KAZN: variants seen among roughly 807,000 people sequenced by gnomAD.
KAZN encodes the protein kazrin.
Under a neutral mutation model 87.4 loss-of-function variants are expected in KAZN, and 40 were observed. The ratio of observed to expected loss-of-function variants is 0.46; its 90% CI spans 0.36 to 0.60. The LOEUF (loss-of-function observed/expected upper bound fraction) is 0.60, where lower values mean the gene tolerates loss of function less well. KAZN is among the 20% of genes least tolerant of loss of function. The pLI is 0.00. For missense variants in KAZN, 898 were observed against 1,073.9 expected (o/e 0.84, Z 2.29); for synonymous variants, 466 against 458.3 (o/e 1.02, Z -0.22).
At chr1:14,985,652 C>T (rs1666732782) in intron 2 of KAZN, among the ~76,000 whole-genome samples, 1 of 152,152 alleles carries the variant, frequency 6.6e-6, no homozygotes. Context: ...CCTGTGGGTT[C>T]GTTGGATTGA....
At chr1:14,031,542 G>A (rs537867004) in intron 1 of KAZN, among the ~76,000 whole-genome samples, 1 of 152,294 alleles carries the variant, frequency 6.6e-6, no homozygotes, top group East Asian at 1.9e-4. Context: ...GAAAAGATAT[G>A]TTTTAGGACA....
At chr1:15,060,436 G>A (rs1386899312) in intron 6 of KAZN, 134 bp downstream of exon 6, 5 of 1,193,062 alleles carry the variant, frequency 4.2e-6, no homozygotes, top group Non-Finnish European at 6.0e-6. Context: ...TGCATTTCCT[G>A]TTCTGTTCTT....
chr1:14,422,801 A>G (rs1320401698), intron 2 of KAZN, among the ~76,000 whole-genome samples: 1 of 152,254 alleles, frequency 6.6e-6, no homozygotes, highest in Admixed American at 6.5e-5. Flanking sequence ...GAACATTCTT[A>G]GACCATTGTC....
chr1:14,382,990 G>A (rs1354828494), intron 2 of KAZN, among the ~76,000 whole-genome samples: 1 of 150,560 alleles, frequency 6.6e-6, no homozygotes, highest in Non-Finnish European at 1.5e-5. Context: ...GTTGTTTCCT[G>A]ACTTTTTAAT....
chr1:14,742,037 T>C (rs1414597533), intron 1 of KAZN, among the ~76,000 whole-genome samples: 1 of 151,966 alleles, frequency 6.6e-6, no homozygotes, highest in Non-Finnish European at 1.5e-5. Context: ...TACAGAAAAA[T>C]AGAACCATCC....
chr1:14,756,911 G>T (rs1412101700), intron 1 of KAZN, among the ~76,000 whole-genome samples: 9 of 152,240 alleles, frequency 5.9e-5, no homozygotes, highest in Admixed American at 5.9e-4. Context: ...CCAGCAGAAG[G>T]TAACGGAGAG....
chr1:14,397,861 C>CAAAAAAA (rs761120479), intron 2 of KAZN, among the ~76,000 whole-genome samples: 2 of 40,648 alleles, frequency 4.9e-5, no homozygotes, highest in African/African-American at 8.5e-5. Context: ...AACTCCATCT[C>CAAAAAAA]AAAAAAAAAA....
chr1:14,128,465 G>T (rs564599714), intron 1 of KAZN, among the ~76,000 whole-genome samples: 48 of 152,268 alleles, frequency 3.2e-4, no homozygotes, highest in African/African-American at 1.2e-3. Flanking sequence ...CACTTGCAGA[G>T]GGGTGGTTGC....
At chr1:13,943,829 A>G (rs890593019) in intron 1 of KAZN, among the ~76,000 whole-genome samples, 6 of 152,234 alleles carry the variant, frequency 3.9e-5, no homozygotes, top group Admixed American at 1.3e-4. Context: ...TTAAAATCAC[A>G]ATGGTATACT....
intron 2 of KAZN, among the ~76,000 whole-genome samples, chr1:14,315,380 A>G (rs1243671057): frequency 6.6e-6 from 1 of 152,162 alleles, no homozygotes; most frequent in Non-Finnish European, 1.5e-5. Context: ...TGCTCTTTCA[A>G]TAAGTAATAA....
intron 2 of KAZN, among the ~76,000 whole-genome samples, chr1:14,367,841 A>G (rs576821754): frequency 6.6e-6 from 1 of 152,204 alleles, no homozygotes; most frequent in African/African-American, 2.4e-5. Context: ...TTCCATTTTC[A>G]ATGTAGTCCC....
chr1:14,726,752 C>T (rs1351397333), intron 1 of KAZN, among the ~76,000 whole-genome samples: 3 of 152,180 alleles, frequency 2.0e-5, no homozygotes, highest in Admixed American at 6.5e-5. Flanking sequence ...TCTGCATCCC[C>T]GGGGAACTTG....
chr1:14,442,051 C>T (rs1011795447), intron 2 of KAZN, among the ~76,000 whole-genome samples: 13 of 152,184 alleles, frequency 8.5e-5, no homozygotes, highest in African/African-American at 2.9e-4. Flanking sequence ...TCCAGCTGAG[C>T]TAGGCTTTGT....
At chr1:14,315,406 C>G (rs982865286) in intron 2 of KAZN, among the ~76,000 whole-genome samples, 2 of 152,082 alleles carry the variant, frequency 1.3e-5, no homozygotes, top group Non-Finnish European at 2.9e-5. Flanking sequence ...TATAATACAT[C>G]TAATATTTAA....
At chr1:14,712,983 G>A (rs767618076) in intron 1 of KAZN, among the ~76,000 whole-genome samples, 13 of 152,030 alleles carry the variant, frequency 8.6e-5, no homozygotes, top group Admixed American at 2.6e-4. Context: ...TTTTAATGCC[G>A]CACTGCTGTG....
At chr1:14,699,412 A>G (rs1641795508) in intron 1 of KAZN, among the ~76,000 whole-genome samples, 1 of 152,242 alleles carries the variant, frequency 6.6e-6, no homozygotes, top group Non-Finnish European at 1.5e-5. Context: ...ATTTCAACAA[A>G]TATGCATTGA....
intron 1 of KAZN, among the ~76,000 whole-genome samples, chr1:14,090,389 CTT>C (rs1643948390): frequency 6.6e-6 from 1 of 151,916 alleles, no homozygotes. Flanking sequence ...CTCTCTCTCT[CTT>C]TTTTTCTTCA....
At chr1:14,793,732 C>T (rs1446174978) in intron 1 of KAZN, among the ~76,000 whole-genome samples, 1 of 150,248 alleles carries the variant, frequency 6.7e-6, no homozygotes, top group African/African-American at 2.5e-5. Flanking sequence ...ATTTGGAAGC[C>T]AGTCTTTCAT....
chr1:14,876,962 G>GAA (rs1336719464), intron 1 of KAZN, among the ~76,000 whole-genome samples: 10 of 152,344 alleles, frequency 6.6e-5, no homozygotes, highest in African/African-American at 2.4e-4. Context: ...TCAGGTGACA[G>GAA]AAATTCAACC....
Sources: allele counts gnomAD v4.1 joint callset (sites outside exome capture counted in the v4.1 genomes callset), GRCh38; gene constraint gnomAD v4.1.1; transcripts MANE v1.5; gene names NCBI Gene and HGNC (gene_info 2026-07-23, HGNC 2026-07-21).